Variants in RPL28 observed in about 807,000 individuals in gnomAD.
The protein encoded by RPL28 is ribosomal protein L28.
In RPL28, 4 loss-of-function variants were observed where a neutral mutation model predicts 12.5. The ratio of observed to expected loss-of-function variants is 0.32; its 90% CI spans 0.16 to 0.73. The LOEUF (loss-of-function observed/expected upper bound fraction) is 0.73. Ranked by LOEUF, RPL28 falls within the 30% of genes least tolerant of loss-of-function variation. The probability of loss-of-function intolerance (pLI) is 0.66; values close to 1 mark genes in which losing one functional copy is unlikely to be tolerated. For missense variants in RPL28, 214 were observed against 197.7 expected (o/e 1.08, Z -0.49); for synonymous variants, 91 against 72.5 (o/e 1.26, Z -1.30).
In RPL28 at chr19:55,388,491, T is replaced by G; in HGVS notation, c.*159T>G. The G allele has an allele frequency of 7.6e-7, 1 of 1,319,408 alleles. No homozygotes were observed. The highest frequency in any genetic ancestry group is 9.7e-7 in the Non-Finnish European group (1 of 1,029,790). 81.7% of individuals were successfully genotyped at this position (1,319,408 alleles called of 1,614,324 possible). ...TCACCTTGTCCATCTGGAGGTGATGTCAATGGCTGGCCATGCAGGAGGGGT... is the reference window on the plus strand; with the variant it reads ...TCACCTTGTCCATCTGGAGGTGATGGCAATGGCTGGCCATGCAGGAGGGGT... On this transcript the variant is annotated 3_prime_UTR_variant, in exon 5 of 5. Transcript: ENST00000344063.
At chr19:55,393,631 G>GTT (rs890657595), downstream of RPL28, among the ~76,000 whole-genome samples, 244 of 114,568 alleles carry the variant, frequency 2.1e-3, 7 homozygotes, top group African/African-American at 4.1e-3. Context: ...TCACCAATTT[G>GTT]TTTTTTTTTT....
chr19:55,386,177 A>G (rs948467346), intron 1 of RPL28, 173 bp from the exon 2 acceptor site: 6 of 615,496 alleles, frequency 9.7e-6, no homozygotes, highest in Non-Finnish European at 1.7e-5. Context: ...CCGCCGCCTT[A>G]GGTCACTCAG....
At chr19:55,397,596 A>G (rs1039081288) in intron 4 of RPL28, among the ~76,000 whole-genome samples, 8 of 151,818 alleles carry the variant, frequency 5.3e-5, no homozygotes, top group African/African-American at 1.2e-4. Flanking sequence ...TAGCCAGGAT[A>G]GTCTCGATCT....
chr19:55,392,212 C>T (rs768993798), downstream of RPL28: 3 of 578,424 alleles, frequency 5.2e-6, no homozygotes, highest in Non-Finnish European at 4.4e-6. Context: ...TTGGAAACTT[C>T]ACACATATGC....
intron 1 of RPL28, 176 bp downstream of exon 1, chr19:55,386,141 C>T (rs187054757): frequency 6.9e-6 from 4 of 576,722 alleles, no homozygotes; most frequent in South Asian, 2.0e-5. Flanking sequence ...TTCGCCGCAG[C>T]TAGTCTCGGC....
intron 4 of RPL28, chr19:55,402,824 C>A: frequency 1.3e-6 from 1 of 798,322 alleles, no homozygotes; most frequent in Non-Finnish European, 1.9e-6. Flanking sequence ...GGTTTGGGGT[C>A]TGTTTACCTT....
chr19:55,389,353 A>G lies in RPL28; in HGVS notation c.*1021A>G, dbSNP rs73617876. On this transcript the variant is annotated 3_prime_UTR_variant, in exon 5 of 5. Coordinates refer to ENST00000344063, the MANE Select transcript of RPL28 (RefSeq NM_000991.5). The stretch of plus-strand genomic sequence containing the variant: ...TCCAGCCTGGAAGACACCATGACAC[A>G]CAGTGAGGCCTGGATGGGGAAAGAG... The G allele has an allele frequency of 7.9e-3, 6,987 of 887,230 alleles. 413 individuals carry two copies. The African/African-American group carries it at 0.16, about 20-fold the overall frequency. 55.0% of individuals were successfully genotyped at this position (887,230 alleles called of 1,614,324 possible). A position where few individuals can be genotyped will look rare whatever the true frequency, so the allele number is the denominator to read the frequency against.
At chr19:55,395,478 C>G (rs1294814672), downstream of RPL28, among the ~76,000 whole-genome samples, 1 of 144,136 alleles carries the variant, frequency 6.9e-6, no homozygotes, top group African/African-American at 2.6e-5. Flanking sequence ...GTCTCTTGCA[C>G]TCTCCCCCAG....
rs1221537160 is a variant in RPL28, at chr19:55,387,267, G to A, written c.205+574G>A. On this transcript the variant is annotated intron_variant, in intron 3 of 4. Coordinates refer to ENST00000344063, the MANE Select transcript of RPL28 (RefSeq NM_000991.5). Reference sequence around the variant, plus strand: ...CAGCTTCACATGTGTTCTTGACAGGGCTGTATTTTCTTTTTAGAGTGAGTT... The same window carrying A: ...CAGCTTCACATGTGTTCTTGACAGGACTGTATTTTCTTTTTAGAGTGAGTT... 3.9e-6 allele frequency: 6 copies of A among 1,550,182 alleles called. No individual in the cohort carries two copies. In the East Asian group the frequency reaches 1.5e-4, roughly 38 times the overall value.
Position 55,388,087 on chromosome 19 carries a change from C to T in RPL28, c.324+39C>T, listed in dbSNP as rs2089952227. On this transcript the variant is annotated intron_variant, in intron 4 of 4. Transcript: ENST00000344063. Reference sequence around the variant, plus strand: ...TGGGGATCAGGCTTGGGGAGACTGGCCAGTGCTGTGGGGAAGGGCCTCCCA... The same window carrying T: ...TGGGGATCAGGCTTGGGGAGACTGGTCAGTGCTGTGGGGAAGGGCCTCCCA... 1 of 1,611,596 alleles carries T rather than the reference C, an allele frequency of 6.2e-7. No individual in the cohort carries two copies. The highest frequency in any genetic ancestry group is 1.3e-5 in the African/African-American group (1 of 74,828).
chr19:55,396,815 T>A (rs60678388), downstream of RPL28, among the ~76,000 whole-genome samples: 2 of 150,832 alleles, frequency 1.3e-5, no homozygotes, highest in Non-Finnish European at 3.0e-5. Flanking sequence ...CTCCTGACCT[T>A]GTGATCCGCC....
intron 4 of RPL28, among the ~76,000 whole-genome samples, chr19:55,398,692 G>A (rs1039885189): frequency 3.9e-4 from 60 of 152,008 alleles, no homozygotes; most frequent in African/African-American, 1.3e-3. Context: ...ATTTTGTTGC[G>A]TGTGTTGAGG....
rs2089966473 is a variant in RPL28, at chr19:55,389,288, GTA to G, written c.*958_*959del. On this transcript the variant is annotated 3_prime_UTR_variant, in exon 5 of 5. Coordinates refer to ENST00000344063, the MANE Select transcript of RPL28 (RefSeq NM_000991.5). The stretch of plus-strand genomic sequence containing the variant: ...GGTGAGCGGAGCACTTGAGCCAAGA[GTA>G]TGAGGCTGCAGTGAGCCCATGAGCC... 1.1e-6 allele frequency: 1 copy of G among 947,986 alleles called. No individual in the cohort carries two copies. Among genetic ancestry groups the G allele is most frequent in the African/African-American group, 1.8e-5 (1 of 56,604 alleles). 58.7% of individuals were successfully genotyped at this position (947,986 alleles called of 1,614,324 possible).
At chr19:55,402,927 C>CT (rs112400318) in intron 4 of RPL28, 65,810 of 862,148 alleles carry the variant, frequency 0.076, no homozygotes, top group South Asian at 0.092. Flanking sequence ...ATTTGGTTAA[C>CT]TTTTTTTTTT....
rs2089989858 is a variant in RPL28 at position 55,391,541 on chromosome 19, CCT to C, written c.*3212_*3213del. The C allele has an allele frequency of 2.6e-6, 4 of 1,515,928 alleles. No individual in the cohort carries two copies. The highest frequency in any genetic ancestry group is 3.6e-6 in the Non-Finnish European group (4 of 1,120,672). 93.9% of individuals were successfully genotyped at this position (1,515,928 alleles called of 1,614,324 possible). A position where few individuals can be genotyped will look rare whatever the true frequency, so the allele number is the denominator to read the frequency against. ...CAGCAGAGACTCGGGACTGAGGCATCCTCTGTTCACAGGACATGCTGGCATCT... is the reference window on the plus strand; with the variant it reads ...CAGCAGAGACTCGGGACTGAGGCATCCTGTTCACAGGACATGCTGGCATCT... On this transcript the variant is annotated 3_prime_UTR_variant, in exon 5 of 5. Coordinates refer to ENST00000344063, the MANE Select transcript of RPL28 (RefSeq NM_000991.5).
chr19:55,398,818 C>T (rs747112420), intron 4 of RPL28, among the ~76,000 whole-genome samples: 49 of 152,148 alleles, frequency 3.2e-4, no homozygotes, highest in Non-Finnish European at 6.6e-4. Context: ...TCTCCTGCCT[C>T]AGCCTCCTGA....
intron 3 of RPL28, chr19:55,387,578 C>CTCCCACTACTGGTTGCAATA: frequency 7.1e-7 from 1 of 1,417,804 alleles, no homozygotes; most frequent in Non-Finnish European, 9.2e-7. Context: ...GGGGATGGGC[C>CTCCCACTACTGGTTGCAATA]TGGGGTTCCT....
At chr19:55,397,998 C>G (rs2090034849) in intron 4 of RPL28, among the ~76,000 whole-genome samples, 1 of 152,038 alleles carries the variant, frequency 6.6e-6, no homozygotes, top group Non-Finnish European at 1.5e-5. Flanking sequence ...GAGTTCAAGA[C>G]CAGCCTGGCC....
intron 4 of RPL28, 32 bp downstream of exon 4, chr19:55,388,080 A>G (rs1432557015): frequency 1.2e-6 from 2 of 1,610,528 alleles, no homozygotes; most frequent in South Asian, 1.1e-5. Context: ...AGGCTTGGGG[A>G]GACTGGCCAG....
Sources: allele counts gnomAD v4.1 joint callset (sites outside exome capture counted in the v4.1 genomes callset), GRCh38; gene constraint gnomAD v4.1.1; transcripts MANE v1.5; gene names NCBI Gene and HGNC (gene_info 2026-07-23, HGNC 2026-07-21).